WDR37: variants seen among roughly 807,000 people sequenced by gnomAD.
WDR37 encodes WD repeat domain 37.
In WDR37, 19 loss-of-function variants were observed where a neutral mutation model predicts 62.9. The observed-to-expected ratio is 0.30, with a 90% CI of 0.21 to 0.44. The LOEUF (loss-of-function observed/expected upper bound fraction) is 0.44. Ranked by LOEUF, WDR37 falls within the 20% of genes least tolerant of loss-of-function variation. WDR37 has a pLI of 1.00. For missense variants in WDR37, 474 were observed against 657.6 expected, an observed-to-expected ratio of 0.72 and a Z score of 3.05; for synonymous variants, 250 against 260.9, an observed-to-expected ratio of 0.96 and a Z score of 0.40.
At chr10:1,092,658 CGACCCTGTCTTTACTAAAAATGGCAA>C (rs1834434395) in intron 7 of WDR37, among the ~76,000 whole-genome samples, 1 of 151,084 alleles carries the variant, frequency 6.6e-6, no homozygotes, top group Admixed American at 6.6e-5. Context: ...GCGTCTGGCC[CGACCCTGTCTTTACTAAAAATGGCAA>C]GACCCTGTCT....
chr10:1,074,630 C>A, intron 2 of WDR37: 1 of 839,888 alleles, frequency 1.2e-6, no homozygotes, highest in Non-Finnish European at 1.7e-6. Flanking sequence ...GTGTCTGCCG[C>A]ACGCGTTTGG....
intron 11 of WDR37, among the ~76,000 whole-genome samples, chr10:1,115,010 C>T (rs1835342901): frequency 6.6e-6 from 1 of 151,938 alleles, no homozygotes; most frequent in Non-Finnish European, 1.5e-5. Flanking sequence ...GTTTTCCTCC[C>T]CTCCCCATCT....
chr10:1,114,452 C>T (rs1835321838), intron 11 of WDR37, among the ~76,000 whole-genome samples: 1 of 152,198 alleles, frequency 6.6e-6, no homozygotes, highest in African/African-American at 2.4e-5. Flanking sequence ...TTATGACTTA[C>T]CAAAGGCTCA....
intron 11 of WDR37, among the ~76,000 whole-genome samples, chr10:1,115,683 G>A (rs1835368074): frequency 1.3e-5 from 2 of 152,220 alleles, no homozygotes; most frequent in South Asian, 4.1e-4. Flanking sequence ...GGCCGCCTGG[G>A]AGGTGCGTGT....
intron 2 of WDR37, 45 bp from the exon 3 acceptor site, chr10:1,077,862 G>A: frequency 6.9e-7 from 1 of 1,439,142 alleles, no homozygotes; most frequent in Non-Finnish European, 9.7e-7. Flanking sequence ...TGTACTTAGA[G>A]TTTTTCATTC....
chr10:1,105,214 G>T lies in WDR37; in HGVS notation c.1050G>T (p.Trp350Cys). 3.1e-6 allele frequency: 5 copies of T among 1,614,084 alleles called. No individual in the cohort carries two copies. Among genetic ancestry groups the T allele is most frequent in the Non-Finnish European group, 4.2e-6 (5 of 1,180,020 alleles). ...CCCGTGACACGACTTTCCGCCTCTG[G>T]GATTTCAGGGACCCCTCCATCCACT... is the stretch of plus-strand genomic sequence containing the variant. The part of the protein sequence containing the change: ...TSSRDTTFRL[W>C]DFRDPSIHSV... The change falls in exon 11 of 14, where the codon TGG (tryptophan) becomes TGT (cysteine). Residue 350 changes from tryptophan (W) to cysteine (C), a missense_variant. Trp to Cys is a radical substitution (Grantham distance 215). Transcript: ENST00000263150. This position sits in a 1 kb window ranked among gnomAD's most constrained non-coding sequence, Gnocchi z 5.3.
At chr10:1,057,942 A>G (rs1039262832) in intron 1 of WDR37, among the ~76,000 whole-genome samples, 1 of 152,250 alleles carries the variant, frequency 6.6e-6, no homozygotes, top group African/African-American at 2.4e-5. Flanking sequence ...CAAGATAGTT[A>G]TATCTCCAGG....
chr10:1,067,152 G>A (rs1172525718), intron 1 of WDR37, among the ~76,000 whole-genome samples: 1 of 152,192 alleles, frequency 6.6e-6, no homozygotes, highest in African/African-American at 2.4e-5. Flanking sequence ...AGTACAGTGA[G>A]TTGATTTTTT....
At chr10:1,126,397 CTG>C (rs1306160248) in intron 13 of WDR37, among the ~76,000 whole-genome samples, 5 of 138,254 alleles carry the variant, frequency 3.6e-5, no homozygotes, top group Admixed American at 6.9e-5. Context: ...CAGAGCGAGA[CTG>C]TGTCTCAGAA....
intron 1 of WDR37, among the ~76,000 whole-genome samples, chr10:1,069,617 A>C (rs1833670218): frequency 6.6e-6 from 1 of 151,932 alleles, no homozygotes; most frequent in South Asian, 2.1e-4. Context: ...AGATGGTTAC[A>C]GATTAATGGT....
chr10:1,125,463 G>A (rs1045179431), intron 13 of WDR37, among the ~76,000 whole-genome samples: 1 of 152,150 alleles, frequency 6.6e-6, no homozygotes, highest in Admixed American at 6.5e-5. Context: ...GCCCTCCTCC[G>A]CCTCCCAAAG....
intron 13 of WDR37, among the ~76,000 whole-genome samples, chr10:1,127,859 G>A (rs184064136): frequency 1.4e-4 from 22 of 152,356 alleles, no homozygotes; most frequent in African/African-American, 5.3e-4. Flanking sequence ...GGGTGGCAAT[G>A]CTGTGGGCGC....
chr10:1,065,505 A>G (rs937700204), intron 1 of WDR37, among the ~76,000 whole-genome samples: 1 of 152,216 alleles, frequency 6.6e-6, no homozygotes, highest in African/African-American at 2.4e-5. Flanking sequence ...ATGATACACC[A>G]TGAACAAGTG....
At chr10:1,104,757 A>C (rs942701815) in intron 10 of WDR37, among the ~76,000 whole-genome samples, 10 of 152,168 alleles carry the variant, frequency 6.6e-5, no homozygotes, top group African/African-American at 2.4e-4. Flanking sequence ...TTCCTGCATG[A>C]GCGTTAAAGA....
intron 9 of WDR37, among the ~76,000 whole-genome samples, chr10:1,099,204 A>G (rs964921028): frequency 1.3e-5 from 2 of 152,216 alleles, no homozygotes; most frequent in Admixed American, 6.5e-5. Flanking sequence ...AGAGGCCTGA[A>G]TGTTTCTCTG....
In WDR37 at chr10:1,080,394, C is replaced by T. The variant is rs1329249730; in HGVS notation, c.332-18C>T. 1.9e-6 allele frequency: 3 copies of T among 1,613,894 alleles called. No individual in the cohort carries two copies. Among genetic ancestry groups the T allele is most frequent in the Non-Finnish European group, 2.5e-6 (3 of 1,179,996 alleles). Reference sequence around the variant, plus strand: ...TGATTGTGTGATTGTGTTTGATTGTCACTCTCTGTCCCTGCAGCCAGTCAC... The same window carrying T: ...TGATTGTGTGATTGTGTTTGATTGTTACTCTCTGTCCCTGCAGCCAGTCAC... On this transcript the variant is annotated intron_variant, in intron 4 of 13. Transcript: ENST00000263150.
rs899475301 is a variant in WDR37, at chr10:1,105,970, A to G, written c.1103+703A>G. 8.6e-5 allele frequency among the ~76,000 whole-genome samples: 13 copies of G among 151,930 alleles called. No homozygotes were observed. The highest frequency in any genetic ancestry group is 1.6e-4 in the Non-Finnish European group (11 of 67,966). ...CTGGCTAGTTTTTTGTATTTTTAGT[A>G]GAGATGGGGTTTCACCGTGATAGCC... On this transcript the variant is annotated intron_variant, in intron 11 of 13. Transcript: ENST00000263150. This position sits in a 1 kb window ranked among gnomAD's most constrained non-coding sequence, Gnocchi z 5.3.
At chr10:1,113,774 T>G (rs1008863398) in intron 11 of WDR37, among the ~76,000 whole-genome samples, 1 of 152,174 alleles carries the variant, frequency 6.6e-6, no homozygotes, top group Non-Finnish European at 1.5e-5. Flanking sequence ...CTGCTTCTTA[T>G]GGATGAGCAA....
intron 3 of WDR37, among the ~76,000 whole-genome samples, chr10:1,078,678 T>G (rs948989901): frequency 6.6e-6 from 1 of 152,224 alleles, no homozygotes; most frequent in Non-Finnish European, 1.5e-5. Context: ...AGGGTTTGTG[T>G]TTGTAAAATT....
Sources: gnomAD v4.1 joint callset for allele counts (sites outside exome capture counted in the v4.1 genomes callset) on GRCh38, gnomAD v4.1.1 for gene constraint, Gnocchi (gnomAD v3.1) non-coding constraint, MANE v1.5 for transcripts, NCBI Gene and HGNC (gene_info 2026-07-23, HGNC 2026-07-21) for gene names.